The following GLT8D2 variants were observed in gnomAD, a reference collection of about 807,000 sequenced individuals.
GLT8D2 encodes glycosyltransferase 8 domain containing 2, also known as glycosyltransferase 8 domain-containing protein 2.
GLT8D2 carries 45 observed loss-of-function variants against 44.5 expected under a neutral mutation model. That is an observed-to-expected ratio of 1.01 (90% CI 0.80 to 1.30). The LOEUF (loss-of-function observed/expected upper bound fraction) is 1.30. Ranked by LOEUF, GLT8D2 falls within the 50% of genes most tolerant of loss-of-function variation. The probability of loss-of-function intolerance (pLI) is 0.00; values close to 1 mark genes in which losing one functional copy is unlikely to be tolerated. For synonymous variants in GLT8D2, 156 were observed against 157.2 expected, an observed-to-expected ratio of 0.99 and a Z score of 0.06; for missense variants, 400 against 430.4, an observed-to-expected ratio of 0.93 and a Z score of 0.62.
chr12:104,063,453 G>A (rs1262604553), intron 1 of GLT8D2, among the ~76,000 whole-genome samples: 2 of 152,228 alleles, frequency 1.3e-5, no homozygotes, highest in Non-Finnish European at 2.9e-5. Context: ...GGCCAAGGCA[G>A]GAGGATCACT....
chr12:104,005,329 C>A lies in GLT8D2; in HGVS notation c.113-2023G>T, dbSNP rs572504925. Among the ~76,000 whole-genome samples, 1,346 of 152,280 alleles carry A rather than the reference C, an allele frequency of 8.8e-3. 22 individuals are homozygous for A. The highest frequency in any genetic ancestry group is 0.03 in the African/African-American group (1,260 of 41,552). On this transcript the variant is annotated intron_variant, in intron 4 of 10. Transcript: ENST00000360814. ...TTCAGGACATAGGCATGGGCAAGGA[C>A]TTCATGTCTAATACACTAAAAGCAA...
intron 3 of GLT8D2, among the ~76,000 whole-genome samples, chr12:104,016,175 G>A (rs1264110433): frequency 6.6e-6 from 1 of 152,170 alleles, no homozygotes; most frequent in East Asian, 1.9e-4. Flanking sequence ...AAGAGGAAAG[G>A]CTTTCAGTTT....
intron 5 of GLT8D2, among the ~76,000 whole-genome samples, chr12:104,000,611 C>G (rs1040926934): frequency 6.6e-6 from 1 of 152,148 alleles, no homozygotes; most frequent in Non-Finnish European, 1.5e-5. Flanking sequence ...TAGCCCCTGG[C>G]CAAAGTCAGA....
At position 104,021,950 on chromosome 12, in the gene GLT8D2, A is replaced by AGAGGAAGAG. The variant is rs1566202533; in HGVS notation, c.-163-460_-163-459insCTCTTCCTC. On this transcript the variant is annotated intron_variant, in intron 1 of 10. Coordinates refer to ENST00000360814, the MANE Select transcript of GLT8D2 (RefSeq NM_001384711.1). ...AAGAAGAAGAAGAAGAAGAAGAAGA[A>AGAGGAAGAG]GAAGAGGAAGAAGAGGAAGAGGAAG... Among the ~76,000 whole-genome samples the AGAGGAAGAG allele has an allele frequency of 7.8e-5, 2 of 25,582 alleles. 1 individual carries two copies. Among genetic ancestry groups the AGAGGAAGAG allele is most frequent in the Non-Finnish European group, 1.5e-4 (2 of 13,662 alleles). 16.8% of individuals were successfully genotyped at this position (25,582 alleles called of 152,430 possible). A position where few individuals can be genotyped will look rare whatever the true frequency, so the allele number is the denominator to read the frequency against.
chr12:104,010,598 T>C (rs1192623363), intron 4 of GLT8D2, among the ~76,000 whole-genome samples: 1 of 152,250 alleles, frequency 6.6e-6, no homozygotes, highest in Non-Finnish European at 1.5e-5. Flanking sequence ...TGTTCATCTC[T>C]GTATCCTCTG....
chr12:104,050,214 T>A (rs1881582706), upstream of GLT8D2: 1 of 152,280 alleles, frequency 6.6e-6, no homozygotes, highest in Non-Finnish European at 1.5e-5. Context: ...CACTTCCAGA[T>A]GTGCTCGGCT....
intron 10 of GLT8D2, among the ~76,000 whole-genome samples, chr12:103,990,641 T>C (rs1872640562): frequency 6.6e-6 from 1 of 152,218 alleles, no homozygotes; most frequent in African/African-American, 2.4e-5. Context: ...TGTTATTCTA[T>C]TGTATGACGT....
At chr12:104,003,354 TA>T (rs1192458796) in intron 4 of GLT8D2, 48 bp from the exon 5 acceptor site, 1 of 1,553,590 alleles carries the variant, frequency 6.4e-7, no homozygotes, top group African/African-American at 1.4e-5. Flanking sequence ...AATTTCACAG[TA>T]GAGCCAGTTT....
upstream of GLT8D2, among the ~76,000 whole-genome samples, chr12:104,052,663 C>T (rs1025605347): frequency 7.2e-5 from 11 of 152,140 alleles, no homozygotes; most frequent in African/African-American, 2.7e-4. Flanking sequence ...TTCTAAATCC[C>T]TCACACAATC....
chr12:104,035,059 C>A (rs1353856417), intron 1 of GLT8D2, among the ~76,000 whole-genome samples: 1 of 152,218 alleles, frequency 6.6e-6, no homozygotes, highest in Admixed American at 6.5e-5. Flanking sequence ...CTCCAACAGA[C>A]CTACAGCTAA....
chr12:104,019,709 G>T, intron 2 of GLT8D2, 33 bp from the exon 3 acceptor site: 2 of 1,471,078 alleles, frequency 1.4e-6, no homozygotes, highest in Non-Finnish European at 1.9e-6. Context: ...TCTGTTTAAA[G>T]GAGAATCAAC....
intron 1 of GLT8D2, among the ~76,000 whole-genome samples, chr12:104,038,452 G>A (rs1880165018): frequency 6.6e-6 from 1 of 152,154 alleles, no homozygotes; most frequent in Non-Finnish European, 1.5e-5. Context: ...CAAAGTCTCA[G>A]GATACAAAAT....
At chr12:104,064,408 G>A (rs973570768), upstream of GLT8D2, 11 of 650,556 alleles carry the variant, frequency 1.7e-5, no homozygotes, top group Admixed American at 1.7e-4. This position sits in a 1 kb window ranked among gnomAD's most constrained non-coding sequence, Gnocchi z 7.3. Flanking sequence ...CTTCCCCAGC[G>A]TCTCTCCACT....
chr12:104,048,284 G>A (rs1256186956), intron 1 of GLT8D2, among the ~76,000 whole-genome samples: 4 of 152,174 alleles, frequency 2.6e-5, no homozygotes, highest in Non-Finnish European at 4.4e-5. Context: ...GTGATAAGGT[G>A]GTTCAGCGAT....
intron 3 of GLT8D2, among the ~76,000 whole-genome samples, chr12:104,019,137 T>G (rs1593547655): frequency 1.0e-5 from 1 of 99,678 alleles, no homozygotes; most frequent in African/African-American, 3.9e-5. Context: ...TTTTTTTTTT[T>G]GTGTGTTTGA....
intron 4 of GLT8D2, among the ~76,000 whole-genome samples, chr12:104,011,551 G>A (rs375049557): frequency 1.6e-4 from 25 of 152,322 alleles, no homozygotes; most frequent in African/African-American, 5.8e-4. Context: ...CTAGTCACAA[G>A]AGAAGTATCG....
intron 7 of GLT8D2, 31 bp downstream of exon 7, chr12:103,997,420 T>G: frequency 1.4e-6 from 2 of 1,471,584 alleles, no homozygotes; most frequent in Non-Finnish European, 1.9e-6. Flanking sequence ...CTGCTTCTTT[T>G]CCAAGTGTTC....
intron 1 of GLT8D2, among the ~76,000 whole-genome samples, chr12:104,044,201 G>T (rs555536929): frequency 6.6e-6 from 1 of 152,252 alleles, no homozygotes; most frequent in African/African-American, 2.4e-5. Flanking sequence ...CCTCTTCCCA[G>T]ATATCTACAT....
chr12:104,003,327 GT>G (rs779930521), intron 4 of GLT8D2, 21 bp from the exon 5 acceptor site: 1 of 1,611,066 alleles, frequency 6.2e-7, no homozygotes, highest in South Asian at 1.1e-5. Flanking sequence ...AAAAACTGGT[GT>G]CTTGGAACAT....
Sources: allele counts gnomAD v4.1 joint callset (sites outside exome capture counted in the v4.1 genomes callset), GRCh38; gene constraint gnomAD v4.1.1; non-coding constraint Gnocchi (gnomAD v3.1); transcripts MANE v1.5; gene names NCBI Gene and HGNC (gene_info 2026-07-23, HGNC 2026-07-21).